Variants in EFCAB6 observed in about 807,000 individuals in gnomAD.
EFCAB6 encodes the protein EF-hand calcium binding domain 6, also known as EF-hand calcium-binding domain-containing protein 6.
Under a neutral mutation model 169.8 loss-of-function variants are expected in EFCAB6, and 156 were observed. The ratio of observed to expected loss-of-function variants is 0.92; its 90% CI spans 0.81 to 1.05. The LOEUF (loss-of-function observed/expected upper bound fraction) is 1.05. Ranked by LOEUF, EFCAB6 falls within the 50% of genes least tolerant of loss-of-function variation. The probability of loss-of-function intolerance (pLI) is 0.00; values close to 1 mark genes in which losing one functional copy is unlikely to be tolerated. For missense variants in EFCAB6, 1,800 were observed against 1,829.1 expected (o/e 0.98, Z 0.29); for synonymous variants, 698 against 676.4 (o/e 1.03, Z -0.50).
At chr22:43,805,721 A>G (rs2062893424) in intron 2 of EFCAB6, among the ~76,000 whole-genome samples, 1 of 152,248 alleles carries the variant, frequency 6.6e-6, no homozygotes, top group African/African-American at 2.4e-5. Context: ...GTTCTAACAT[A>G]AAGAAAAGAC....
At chr22:43,761,874 T>G (rs2061173700) in intron 5 of EFCAB6, among the ~76,000 whole-genome samples, 1 of 152,348 alleles carries the variant, frequency 6.6e-6, no homozygotes, top group South Asian at 2.1e-4. Flanking sequence ...TCTTTGATAG[T>G]TCCAATATTT....
intron 2 of EFCAB6, among the ~76,000 whole-genome samples, chr22:43,793,087 A>G (rs1390938686): frequency 6.6e-6 from 1 of 152,198 alleles, no homozygotes; most frequent in Non-Finnish European, 1.5e-5. Flanking sequence ...CCACCTGAGG[A>G]GTAAGATAAT....
intron 20 of EFCAB6, among the ~76,000 whole-genome samples, chr22:43,622,156 C>T (rs187418800): frequency 7.9e-5 from 12 of 152,288 alleles, no homozygotes; most frequent in African/African-American, 2.9e-4. Context: ...GAAAGGAATA[C>T]TCCCAGTTCA....
chr22:43,655,711 T>C (rs2056705236), intron 17 of EFCAB6, among the ~76,000 whole-genome samples: 1 of 152,156 alleles, frequency 6.6e-6, no homozygotes. Flanking sequence ...ACTATCAGAC[T>C]GTATTTTTTT....
rs1472420779 is a variant in EFCAB6 at position 43,572,735 on chromosome 22, A to G, written c.3420+3562T>C. Among the ~76,000 whole-genome samples the G allele has an allele frequency of 2.0e-5, 3 of 152,018 alleles. No homozygotes were observed. The highest frequency in any genetic ancestry group is 4.4e-5 in the Non-Finnish European group (3 of 67,992). On this transcript the variant is annotated intron_variant, in intron 26 of 31. Coordinates refer to ENST00000262726, the MANE Select transcript of EFCAB6 (RefSeq NM_022785.4). This position sits in a 1 kb window ranked among gnomAD's most constrained non-coding sequence, Gnocchi z 4.0. ...TTCTGCTCTGCTCCATTTTTCTCCC[A>G]GCTGCTGCTGGAACCTGACATGTGA... is the stretch of plus-strand genomic sequence containing the variant.
In EFCAB6 at chr22:43,678,143, T is replaced by A; in HGVS notation, c.1272A>T (p.Thr424=). The A allele has an allele frequency of 6.2e-7, 1 of 1,612,814 alleles. No individual in the cohort carries two copies. Among genetic ancestry groups the A allele is most frequent in the Non-Finnish European group, 8.5e-7 (1 of 1,179,872 alleles). The change falls in exon 13 of 32, where the codon ACA becomes ACT. Residue 424 remains threonine (T), a synonymous_variant. Transcript: ENST00000262726. Reference sequence around the variant, plus strand: ...TTAGAATATATCGAAATTCTTCTCTTGTTATCGGTCCATCGGGTTTCTGAG... The same window carrying A: ...TTAGAATATATCGAAATTCTTCTCTAGTTATCGGTCCATCGGGTTTCTGAG... ...IINTKPDGPI[T]REEFRYILNC... is the part of the protein sequence containing the mutation.
At chr22:43,604,126 G>C (rs968650559) in intron 22 of EFCAB6, among the ~76,000 whole-genome samples, 1 of 152,076 alleles carries the variant, frequency 6.6e-6, no homozygotes, top group Non-Finnish European at 1.5e-5. Context: ...GCAGATGCCA[G>C]CATCACACTT....
At chr22:43,686,356 T>C (rs1185023391) in intron 11 of EFCAB6, among the ~76,000 whole-genome samples, 2 of 152,210 alleles carry the variant, frequency 1.3e-5, no homozygotes, top group Admixed American at 6.5e-5. Flanking sequence ...TTAAGGATGA[T>C]GGCATTTGTG....
At position 43,752,187 on chromosome 22, in the gene EFCAB6, G is replaced by A. The variant is rs143406861; in HGVS notation, c.507+3579C>T. ...GGCTGGAGTACAGTGGCACTATCTC[G>A]GCTTACTGCAACCTCTGCCTCCTGG... On this transcript the variant is annotated intron_variant, in intron 6 of 31. Coordinates refer to ENST00000262726, the MANE Select transcript of EFCAB6 (RefSeq NM_022785.4). 6.0e-3 allele frequency among the ~76,000 whole-genome samples: 857 copies of A among 141,990 alleles called. 20 individuals carry two copies. In the East Asian group the frequency reaches 0.085, roughly 14 times the overall value. The allele number at this position is 141,990 out of a possible 152,430, so 93.2% of individuals were successfully genotyped here. A position where few individuals can be genotyped will look rare whatever the true frequency, so the allele number is the denominator to read the frequency against.
chr22:43,544,522 T>C (rs1372718339), intron 27 of EFCAB6, among the ~76,000 whole-genome samples: 2 of 152,144 alleles, frequency 1.3e-5, no homozygotes, highest in African/African-American at 2.4e-5. Flanking sequence ...GTCTGTTTGG[T>C]GGCAGAGGGG....
intron 26 of EFCAB6, among the ~76,000 whole-genome samples, chr22:43,561,497 G>T (rs2049033696): frequency 2.6e-5 from 4 of 152,002 alleles, no homozygotes; most frequent in Admixed American, 2.6e-4. Flanking sequence ...CCACCGACCT[G>T]GGGTCCCCAG....
intron 8 of EFCAB6, among the ~76,000 whole-genome samples, chr22:43,731,070 G>T (rs8136516): frequency 0.27 from 40,845 of 151,918 alleles, 6,595 homozygotes; most frequent in East Asian, 0.63. Flanking sequence ...GCTGGGAAGG[G>T]AGAGGATCCA....
Position 43,603,583 on chromosome 22 carries a change from T to C in EFCAB6, c.2682-3320A>G, listed in dbSNP as rs1309645472. ...ATTGGTTTGCTTTGCTAAGAATGTC[T>C]TAGTCCTTTCCGCTCAGTTTAGGCA... On this transcript the variant is annotated intron_variant, in intron 22 of 31. Coordinates refer to ENST00000262726, the MANE Select transcript of EFCAB6 (RefSeq NM_022785.4). Among the ~76,000 whole-genome samples the C allele has an allele frequency of 2.0e-5, 3 of 152,274 alleles. No individual in the cohort carries two copies. The East Asian group carries it at 5.8e-4, about 29-fold the overall frequency.
intron 17 of EFCAB6, among the ~76,000 whole-genome samples, chr22:43,655,861 T>C (rs1043757205): frequency 6.6e-6 from 1 of 152,188 alleles, no homozygotes; most frequent in African/African-American, 2.4e-5. Context: ...TCAGATGACA[T>C]AGGCCTGAAG....
chr22:43,538,062 C>T (rs547489430), intron 28 of EFCAB6, among the ~76,000 whole-genome samples: 93 of 152,104 alleles, frequency 6.1e-4, no homozygotes, highest in African/African-American at 2.0e-3. Flanking sequence ...GTTTTTTTTC[C>T]TGAAGTCCCC....
chr22:43,801,600 G>A (rs1246911846), intron 2 of EFCAB6, among the ~76,000 whole-genome samples: 1 of 152,154 alleles, frequency 6.6e-6, no homozygotes, highest in Non-Finnish European at 1.5e-5. Context: ...GATAGAATTA[G>A]TGTAGAGTTT....
chr22:43,655,601 T>C (rs894806790), intron 17 of EFCAB6, among the ~76,000 whole-genome samples: 1 of 145,750 alleles, frequency 6.9e-6, no homozygotes, highest in Non-Finnish European at 1.5e-5. Flanking sequence ...CCGGGTCAAA[T>C]AGAAAAAAAC....
intron 13 of EFCAB6, among the ~76,000 whole-genome samples, chr22:43,675,247 ATAT>A (rs1206207028): frequency 1.4e-5 from 2 of 143,320 alleles, no homozygotes; most frequent in Non-Finnish European, 3.0e-5. Flanking sequence ...ATGTTATTAT[ATAT>A]TATGTGTATA....
chr22:43,702,751 A>G (rs1260667558), intron 10 of EFCAB6, among the ~76,000 whole-genome samples: 1 of 152,194 alleles, frequency 6.6e-6, no homozygotes, highest in African/African-American at 2.4e-5. Context: ...ATCTAACTGC[A>G]TATCACACCT....
Sources: allele counts gnomAD v4.1 joint callset (sites outside exome capture counted in the v4.1 genomes callset), GRCh38; gene constraint gnomAD v4.1.1; non-coding constraint Gnocchi (gnomAD v3.1); transcripts MANE v1.5; gene names NCBI Gene and HGNC (gene_info 2026-07-23, HGNC 2026-07-21).